The following NAALADL2 variants were observed in gnomAD, a reference collection of about 807,000 sequenced individuals.
NAALADL2 encodes inactive N-acetylated-alpha-linked acidic dipeptidase-like protein 2.
In NAALADL2, 76 loss-of-function variants were observed where a neutral mutation model predicts 87.2. The ratio of observed to expected loss-of-function variants is 0.87; its 90% confidence interval spans 0.72 to 1.05. NAALADL2 has a LOEUF of 1.05. NAALADL2 is among the 50% of genes least tolerant of loss of function. The pLI is 0.00. For missense variants in NAALADL2, 1,089 were observed against 945.8 expected (o/e 1.15, Z -1.99); for synonymous variants, 354 against 331.0 (o/e 1.07, Z -0.75).
chr3:175,105,239 A>G (rs958418453), intron 2 of NAALADL2, among the ~76,000 whole-genome samples: 1 of 152,038 alleles, frequency 6.6e-6, no homozygotes, highest in Non-Finnish European at 1.5e-5. Context: ...GGCATGAATC[A>G]CTTTCTGTTT....
In NAALADL2 at chr3:175,097,094, G is replaced by A; in HGVS notation, c.348G>A (p.Lys116=). 6.2e-7 allele frequency: 1 copy of A among 1,613,676 alleles called. No individual in the cohort carries two copies. Among genetic ancestry groups the A allele is most frequent in the African/African-American group, 1.3e-5 (1 of 75,036 alleles). Reference sequence around the variant, plus strand: ...CCCATTATACACGATCTGCACCAAAGAGCAATCGCTGCAACTTTTGCCACG... The same window carrying A: ...CCCATTATACACGATCTGCACCAAAAAGCAATCGCTGCAACTTTTGCCACG... ...YITHYTRSAP[K]SNRCNFCHVL... The change falls in exon 2 of 14, where the codon AAG becomes AAA. Residue 116 remains lysine (K), a synonymous_variant. Coordinates refer to ENST00000454872, the MANE Select transcript of NAALADL2 (RefSeq NM_207015.3).
At chr3:174,797,121 G>A (rs1473274341) in intron 3 of NAALADL2, among the ~76,000 whole-genome samples, 1 of 151,790 alleles carries the variant, frequency 6.6e-6, no homozygotes, top group Non-Finnish European at 1.5e-5. Context: ...ACTGTCTTGT[G>A]TTCATTTTTG....
chr3:175,221,032 A>G (rs1743277157), intron 2 of NAALADL2, among the ~76,000 whole-genome samples: 1 of 151,998 alleles, frequency 6.6e-6, no homozygotes, highest in Non-Finnish European at 1.5e-5. Context: ...CTCCATCTCT[A>G]CAAAAATACA....
At chr3:175,435,748 A>G (rs1718528756) in intron 5 of NAALADL2, among the ~76,000 whole-genome samples, 1 of 151,958 alleles carries the variant, frequency 6.6e-6, no homozygotes, top group Admixed American at 6.6e-5. Flanking sequence ...AAGTTTTCTA[A>G]CCTTTTTTGA....
intron 1 of NAALADL2, among the ~76,000 whole-genome samples, chr3:174,531,343 A>G (rs758069628): frequency 1.1e-4 from 16 of 151,994 alleles, no homozygotes; most frequent in Admixed American, 2.6e-4. Flanking sequence ...TAGAGCACTC[A>G]TCGGTGCAAG....
chr3:174,921,754 G>A (rs959224308), intron 1 of NAALADL2, among the ~76,000 whole-genome samples: 5 of 138,538 alleles, frequency 3.6e-5, no homozygotes, highest in Admixed American at 2.5e-4. Flanking sequence ...GCAGTAAGCC[G>A]AGATTGTGCC....
chr3:174,840,725 G>C (rs4458381), intron 3 of NAALADL2, among the ~76,000 whole-genome samples: 146,820 of 152,206 alleles, frequency 0.96, 70,869 homozygotes, highest in East Asian at 1. Flanking sequence ...CTATGTTTAT[G>C]TCTCTTTCTT....
intron 4 of NAALADL2, among the ~76,000 whole-genome samples, chr3:175,298,202 C>G (rs141103239): frequency 0.01 from 1,522 of 152,112 alleles, 31 homozygotes; most frequent in African/African-American, 0.034. Context: ...AAACTGTTGC[C>G]CATTCAAAAT....
In NAALADL2 at chr3:175,393,280, C is replaced by CAAAAAAAAAAAAAAAA. The variant is rs775778803; in HGVS notation, c.1091-53928_1091-53913dup. Reference sequence around the variant, plus strand: ...TGGGCGACAGAGCGAGACTCCGTCTCAAAAAAAAAAAAAAAAAAAAAAAAA... The same window carrying CAAAAAAAAAAAAAAAA: ...TGGGCGACAGAGCGAGACTCCGTCTCAAAAAAAAAAAAAAAAAAAAAAAAAAAAAAAAAAAAAAAAA... On this transcript the variant is annotated intron_variant, in intron 5 of 13. Transcript: ENST00000454872. Among the ~76,000 whole-genome samples the CAAAAAAAAAAAAAAAA allele has an allele frequency of 1.0e-4, 3 of 29,520 alleles. 1 individual carries two copies. Among genetic ancestry groups the CAAAAAAAAAAAAAAAA allele is most frequent in the African/African-American group, 1.4e-4 (1 of 6,992 alleles). 19.4% of individuals were successfully genotyped at this position (29,520 alleles called of 152,430 possible).
intron 4 of NAALADL2, among the ~76,000 whole-genome samples, chr3:175,308,203 G>C (rs1236928462): frequency 6.6e-6 from 1 of 152,200 alleles, no homozygotes; most frequent in Admixed American, 6.5e-5. Context: ...TGAACCGTAA[G>C]ATCAGTTGTG....
intron 11 of NAALADL2, among the ~76,000 whole-genome samples, chr3:175,664,656 A>G (rs1199387416): frequency 6.6e-6 from 1 of 152,178 alleles, no homozygotes; most frequent in Non-Finnish European, 1.5e-5. Flanking sequence ...CAAAATAATA[A>G]AAAGTTAATT....
chr3:174,848,271 G>C (rs904681031), intron 3 of NAALADL2, among the ~76,000 whole-genome samples: 20 of 151,748 alleles, frequency 1.3e-4, no homozygotes, highest in Non-Finnish European at 2.8e-4. Flanking sequence ...GTCTTCCTTT[G>C]AAAATCAGAA....
intron 2 of NAALADL2, among the ~76,000 whole-genome samples, chr3:175,122,307 A>C (rs890201396): frequency 5.9e-5 from 9 of 151,820 alleles, no homozygotes; most frequent in Admixed American, 1.3e-4. Flanking sequence ...GAAAAGTTTT[A>C]TTGTATGAAT....
chr3:175,505,542 AT>A (rs936840720), intron 9 of NAALADL2, among the ~76,000 whole-genome samples: 17 of 151,148 alleles, frequency 1.1e-4, no homozygotes, highest in African/African-American at 2.7e-4. Context: ...TTGTTGGCTT[AT>A]TTTTTTTTGT....
At chr3:174,839,828 T>TAA (rs530750377) in intron 3 of NAALADL2, among the ~76,000 whole-genome samples, 19 of 146,788 alleles carry the variant, frequency 1.3e-4, no homozygotes, top group Non-Finnish European at 1.8e-4. Context: ...ATGGCCATAA[T>TAA]AAAAAAAAAA....
At chr3:174,934,808 A>G (rs1737439453) in intron 1 of NAALADL2, among the ~76,000 whole-genome samples, 1 of 152,192 alleles carries the variant, frequency 6.6e-6, no homozygotes, top group Non-Finnish European at 1.5e-5. Flanking sequence ...CTAAAAAGTA[A>G]TAAAACATAA....
chr3:175,055,853 C>T (rs549304872), intron 1 of NAALADL2, among the ~76,000 whole-genome samples: 7 of 152,312 alleles, frequency 4.6e-5, no homozygotes, highest in Non-Finnish European at 1.0e-4. Context: ...CCTGTGCCAA[C>T]AAAGTAGCTT....
chr3:175,521,877 C>G (rs978942599), intron 9 of NAALADL2, among the ~76,000 whole-genome samples: 4 of 152,124 alleles, frequency 2.6e-5, no homozygotes, highest in African/African-American at 4.8e-5. Context: ...AGTGCTTTGT[C>G]ACATCAGCCC....
chr3:174,720,492 A>C (rs1731607900), intron 2 of NAALADL2, among the ~76,000 whole-genome samples: 1 of 152,118 alleles, frequency 6.6e-6, no homozygotes, highest in South Asian at 2.1e-4. Flanking sequence ...ATTGATGGAA[A>C]AGTACTTTGT....
Sources: gnomAD v4.1 joint callset for allele counts (sites outside exome capture counted in the v4.1 genomes callset) on GRCh38, gnomAD v4.1.1 for gene constraint, MANE v1.5 for transcripts, NCBI Gene and HGNC (gene_info 2026-07-23, HGNC 2026-07-21) for gene names.